Variants in FAM193A observed in about 807,000 individuals in gnomAD.
FAM193A encodes the protein family with sequence similarity 193 member A.
In FAM193A, 22 loss-of-function variants were observed where a neutral mutation model predicts 126.5. The ratio of observed to expected loss-of-function variants is 0.17; its 90% CI spans 0.12 to 0.25. The LOEUF (loss-of-function observed/expected upper bound fraction) is 0.25. Ranked by LOEUF, FAM193A falls within the 10% of genes least tolerant of loss-of-function variation. The probability of loss-of-function intolerance (pLI) is 1.00; values close to 1 mark genes in which losing one functional copy is unlikely to be tolerated. For synonymous variants in FAM193A, 761 were observed against 646.8 expected (o/e 1.18, Z -2.68); for missense variants, 1,675 against 1,672.8 (o/e 1.00, Z -0.02).
intron 13 of FAM193A, among the ~76,000 whole-genome samples, chr4:2,680,139 G>A (rs1714936230): frequency 6.6e-6 from 1 of 152,208 alleles, no homozygotes; most frequent in Non-Finnish European, 1.5e-5. Flanking sequence ...GGGATTACAG[G>A]CGTGAGCCAC....
intron 13 of FAM193A, among the ~76,000 whole-genome samples, chr4:2,679,352 G>A (rs966504235): frequency 3.3e-5 from 5 of 149,760 alleles, no homozygotes; most frequent in African/African-American, 4.9e-5. Flanking sequence ...GTTCACAAGC[G>A]ATACTCGTTT....
intron 20 of FAM193A, among the ~76,000 whole-genome samples, chr4:2,727,332 A>G (rs1720874986): frequency 6.6e-6 from 1 of 152,186 alleles, no homozygotes; most frequent in Admixed American, 6.5e-5. Context: ...CTGGCCCTCA[A>G]GAGATTTGGA....
intron 1 of FAM193A, among the ~76,000 whole-genome samples, chr4:2,547,630 A>AT (rs1313470026): frequency 1.3e-3 from 167 of 132,450 alleles, no homozygotes; most frequent in Non-Finnish European, 1.6e-3. Flanking sequence ...GTGTGTATGT[A>AT]TTTTTTTTTT....
At chr4:2,718,178 AAG>A (rs1719747015) in intron 20 of FAM193A, among the ~76,000 whole-genome samples, 1 of 152,132 alleles carries the variant, frequency 6.6e-6, no homozygotes, top group Non-Finnish European at 1.5e-5. Flanking sequence ...AGAAGGAGAT[AAG>A]AGAGATAATG....
chr4:2,579,258 G>C (rs1023514214), intron 1 of FAM193A, among the ~76,000 whole-genome samples: 3 of 152,206 alleles, frequency 2.0e-5, no homozygotes, highest in Non-Finnish European at 4.4e-5. Flanking sequence ...ACTTTGGGAG[G>C]CCGAGGAGGG....
At position 2,603,974 on chromosome 4, in the gene FAM193A, C is replaced by T. The variant is rs183727627; in HGVS notation, c.501+7645C>T. 1.7e-3 allele frequency among the ~76,000 whole-genome samples: 256 copies of T among 152,080 alleles called. 1 individual carries two copies. The highest frequency in any genetic ancestry group is 2.4e-3 in the Non-Finnish European group (160 of 67,996). On this transcript the variant is annotated intron_variant, in intron 2 of 20. Transcript: ENST00000637812. ...TCTCATGCCTCAGCCTTCTGAGCAG[C>T]TGGGATTACAGGCGTGTGTCACCAT...
At chr4:2,691,023 C>G (rs1716317045) in intron 15 of FAM193A, 53 bp downstream of exon 15, 4 of 1,524,354 alleles carry the variant, frequency 2.6e-6, no homozygotes, top group Non-Finnish European at 3.6e-6. Context: ...GCTGGGCTTA[C>G]TGACTTCTCG....
intron 6 of FAM193A, among the ~76,000 whole-genome samples, chr4:2,640,246 C>T (rs76611319): frequency 0.029 from 4,369 of 152,208 alleles, 222 homozygotes; most frequent in African/African-American, 0.099. Flanking sequence ...CAAGGCCCTC[C>T]GGATACAGCT....
intron 1 of FAM193A, among the ~76,000 whole-genome samples, chr4:2,581,815 G>C (rs911633339): frequency 6.6e-6 from 1 of 151,554 alleles, no homozygotes; most frequent in African/African-American, 2.4e-5. Context: ...CACCATGCAC[G>C]GCTAATTTTT....
At chr4:2,542,507 G>A (rs1214951406) in intron 1 of FAM193A, among the ~76,000 whole-genome samples, 1 of 152,160 alleles carries the variant, frequency 6.6e-6, no homozygotes, top group African/African-American at 2.4e-5. Flanking sequence ...TTTAATAATT[G>A]TTCATTAAAG....
intron 8 of FAM193A, among the ~76,000 whole-genome samples, chr4:2,659,014 G>A (rs1291967221): frequency 6.6e-6 from 1 of 152,192 alleles, no homozygotes; most frequent in Non-Finnish European, 1.5e-5. Flanking sequence ...GCCTCCCAAG[G>A]TGCTGGGATT....
At chr4:2,727,123 G>A (rs1311938487) in intron 20 of FAM193A, among the ~76,000 whole-genome samples, 2 of 152,100 alleles carry the variant, frequency 1.3e-5, no homozygotes, top group Non-Finnish European at 2.9e-5. Flanking sequence ...GCTGGGCGTG[G>A]TGGTGCTCGC....
intron 13 of FAM193A, among the ~76,000 whole-genome samples, chr4:2,683,908 G>C (rs1226140752): frequency 6.6e-6 from 1 of 152,178 alleles, no homozygotes; most frequent in East Asian, 1.9e-4. Flanking sequence ...AGTTTCTGCT[G>C]ACATATCTTG....
At chr4:2,668,560 T>C (rs2109144005) in intron 12 of FAM193A, among the ~76,000 whole-genome samples, 1 of 152,292 alleles carries the variant, frequency 6.6e-6, no homozygotes, top group East Asian at 1.9e-4. Flanking sequence ...ACTACTGACT[T>C]AATTCCAGTA....
At chr4:2,690,489 G>C (rs1486881051) in intron 14 of FAM193A, among the ~76,000 whole-genome samples, 1 of 152,220 alleles carries the variant, frequency 6.6e-6, no homozygotes, top group African/African-American at 2.4e-5. Context: ...CGTAACTTTG[G>C]AAAGCACCTA....
chr4:2,689,974 C>T (rs191412952), intron 14 of FAM193A, among the ~76,000 whole-genome samples: 14 of 152,336 alleles, frequency 9.2e-5, no homozygotes, highest in Middle Eastern at 3.4e-3. Flanking sequence ...GTGGCCTCAG[C>T]GCTGCTGAGG....
chr4:2,562,636 G>GT (rs764512793), intron 1 of FAM193A, among the ~76,000 whole-genome samples: 11,794 of 142,168 alleles, frequency 0.083, 840 homozygotes, highest in African/African-American at 0.2. Context: ...TCCTTTTTTT[G>GT]TTTTTTTTTT....
chr4:2,617,057 A>G (rs1302679751), intron 2 of FAM193A, among the ~76,000 whole-genome samples: 1 of 140,978 alleles, frequency 7.1e-6, no homozygotes, highest in African/African-American at 2.6e-5. Flanking sequence ...CATCCCAGCT[A>G]CTCAGGAGGC....
At chr4:2,686,544 A>G (rs1040559089) in intron 13 of FAM193A, among the ~76,000 whole-genome samples, 1 of 151,406 alleles carries the variant, frequency 6.6e-6, no homozygotes, top group African/African-American at 2.5e-5. Context: ...AAATGAGCCC[A>G]CGGGTGGTTT....
Sources: allele counts gnomAD v4.1 joint callset (sites outside exome capture counted in the v4.1 genomes callset), GRCh38; gene constraint gnomAD v4.1.1; transcripts MANE v1.5; gene names NCBI Gene and HGNC (gene_info 2026-07-23, HGNC 2026-07-21).